The following LRMDA variants were observed in gnomAD, a reference collection of about 807,000 sequenced individuals.
The protein encoded by LRMDA is leucine rich melanocyte differentiation associated.
In LRMDA, 18 loss-of-function variants were observed where a neutral mutation model predicts 29.8. The observed-to-expected ratio is 0.60, with a 90% confidence interval of 0.42 to 0.90. The LOEUF (loss-of-function observed/expected upper bound fraction) is 0.90. Among genes scored for constraint, LRMDA ranks in the 40% least tolerant of loss-of-function variants. The pLI, the probability that LRMDA is intolerant of heterozygous loss-of-function variation, is 0.00. For synonymous variants in LRMDA, 125 were observed against 109.4 expected (o/e 1.14, Z -0.89); for missense variants, 273 against 273.9 (o/e 1.00, Z 0.02).
At chr10:75,959,312 G>A (rs150693549) in intron 2 of LRMDA, among the ~76,000 whole-genome samples, 1 of 152,230 alleles carries the variant, frequency 6.6e-6, no homozygotes, top group Non-Finnish European at 1.5e-5. Flanking sequence ...CCGGGTTTTG[G>A]GCAGCACCAC....
At chr10:76,430,290 A>G (rs1175592856) in intron 6 of LRMDA, among the ~76,000 whole-genome samples, 1 of 152,158 alleles carries the variant, frequency 6.6e-6, no homozygotes, top group East Asian at 1.9e-4. Context: ...CTCTTCCTAT[A>G]AATGCTGAGA....
intron 2 of LRMDA, among the ~76,000 whole-genome samples, chr10:75,977,958 G>A (rs776625984): frequency 6.6e-6 from 1 of 152,188 alleles, no homozygotes; most frequent in African/African-American, 2.4e-5. Context: ...GTTTGTTGGG[G>A]GAATTAAATG....
intron 2 of LRMDA, among the ~76,000 whole-genome samples, chr10:75,566,543 A>G (rs1840374244): frequency 6.6e-6 from 1 of 152,142 alleles, no homozygotes; most frequent in African/African-American, 2.4e-5. Flanking sequence ...TTCTAGGCAC[A>G]AACTCCAATG....
chr10:75,906,120 C>T lies in LRMDA; in HGVS notation c.132-129888C>T, dbSNP rs1366033351. On this transcript the variant is annotated intron_variant, in intron 2 of 6. Coordinates refer to ENST00000611255, the MANE Select transcript of LRMDA (RefSeq NM_001305581.2). ...CCCCTGCCTCTGTTTTCTCATCTTT[C>T]AAATGGTGATCATAGTATCTGTCCA... Among the ~76,000 whole-genome samples, 3 of 151,766 alleles carry T rather than the reference C, an allele frequency of 2.0e-5. No individual in the cohort carries two copies. In the East Asian group the frequency reaches 5.8e-4, roughly 29 times the overall value.
Position 75,514,199 on chromosome 10 carries a change from C to G in LRMDA, c.131+75705C>G, listed in dbSNP as rs1455850764. ...TTTTTTTCCTTTCTTCTTCTTGGTT[C>G]CCAAGAGAAGATTCTACCACTTTTC... On this transcript the variant is annotated intron_variant, in intron 2 of 6. Coordinates refer to ENST00000611255, the MANE Select transcript of LRMDA (RefSeq NM_001305581.2). 2.1e-5 allele frequency among the ~76,000 whole-genome samples: 3 copies of G among 146,048 alleles called. No homozygotes were observed. The East Asian group carries it at 6.0e-4, about 29-fold the overall frequency.
chr10:75,613,975 A>G (rs1841067492), intron 2 of LRMDA, among the ~76,000 whole-genome samples: 1 of 152,248 alleles, frequency 6.6e-6, no homozygotes, highest in Non-Finnish European at 1.5e-5. Context: ...TCATCCAAAC[A>G]GGGAACCATA....
intron 2 of LRMDA, among the ~76,000 whole-genome samples, chr10:75,626,561 T>A (rs574778292): frequency 2.0e-5 from 3 of 152,210 alleles, no homozygotes; most frequent in East Asian, 3.9e-4. Context: ...TTGGAGAGTG[T>A]TTAAGGAATA....
At chr10:76,444,577 T>C (rs1005209521) in intron 6 of LRMDA, among the ~76,000 whole-genome samples, 5 of 152,224 alleles carry the variant, frequency 3.3e-5, no homozygotes, top group Non-Finnish European at 4.4e-5. Flanking sequence ...TCTCTGGTAC[T>C]CCAAGTCCCA....
chr10:75,604,497 C>T (rs1180173631), intron 2 of LRMDA, among the ~76,000 whole-genome samples: 1 of 152,146 alleles, frequency 6.6e-6, no homozygotes, highest in Admixed American at 6.5e-5. Context: ...TAAGAGTTCC[C>T]GGCAACTGTT....
intron 2 of LRMDA, among the ~76,000 whole-genome samples, chr10:75,499,491 A>C (rs1031110311): frequency 6.6e-6 from 1 of 152,158 alleles, no homozygotes; most frequent in African/African-American, 2.4e-5. Flanking sequence ...AAAAATGGAG[A>C]TGATAATAGC....
At chr10:76,178,437 C>T (rs1850980897) in intron 5 of LRMDA, among the ~76,000 whole-genome samples, 1 of 152,192 alleles carries the variant, frequency 6.6e-6, no homozygotes, top group Non-Finnish European at 1.5e-5. Context: ...ATTAGCACTG[C>T]AGCATAAGTC....
intron 2 of LRMDA, among the ~76,000 whole-genome samples, chr10:75,769,082 T>C (rs1390590454): frequency 6.6e-6 from 1 of 151,784 alleles, no homozygotes; most frequent in Non-Finnish European, 1.5e-5. Flanking sequence ...TTCGAGAGAG[T>C]GTTTTGATTT....
In LRMDA at chr10:75,431,728, G is replaced by A; in HGVS notation, c.4G>A (p.Ala2Thr). 7.4e-7 allele frequency: 1 copy of A among 1,358,708 alleles called. No homozygotes were observed. Among genetic ancestry groups the A allele is most frequent in the South Asian group, 1.9e-5 (1 of 51,966 alleles). 84.2% of individuals were successfully genotyped at this position (1,358,708 alleles called of 1,614,324 possible). The stretch of plus-strand genomic sequence containing the variant: ...CGCCCGCAGCGTCCTGGCCGCCATG[G>A]CCGGGCTCGTGGTGCGTGGAACTCA... M[A>T]GLVVRGTQVS... Residue 2 changes from alanine (A) to threonine (T), a missense_variant, in exon 1 of 7, where the codon GCC becomes ACC. Physicochemically the swap from Ala to Thr is moderately conservative, Grantham distance 58 (BLOSUM62 0). Coordinates refer to ENST00000611255, the MANE Select transcript of LRMDA (RefSeq NM_001305581.2).
At chr10:76,523,250 G>A (rs1406346581) in intron 6 of LRMDA, among the ~76,000 whole-genome samples, 1 of 152,012 alleles carries the variant, frequency 6.6e-6, no homozygotes, top group Non-Finnish European at 1.5e-5. Context: ...CTGAGCTCAC[G>A]CAGACTCTTC....
chr10:75,493,215 C>A (rs1845006790), intron 2 of LRMDA, among the ~76,000 whole-genome samples: 1 of 152,038 alleles, frequency 6.6e-6, no homozygotes, highest in South Asian at 2.1e-4. Flanking sequence ...ACCTCGAGAT[C>A]CTAAAATATG....
intron 2 of LRMDA, among the ~76,000 whole-genome samples, chr10:75,497,593 C>T (rs902899922): frequency 1.1e-4 from 17 of 151,570 alleles, no homozygotes; most frequent in African/African-American, 4.1e-4. Flanking sequence ...TGTCTTATGT[C>T]CCTTCCTAGC....
At position 76,147,453 on chromosome 10, in the gene LRMDA, A is replaced by G. The variant is rs541296028; in HGVS notation, c.516+88670A>G. Among the ~76,000 whole-genome samples the G allele has an allele frequency of 1.1e-4, 16 of 152,172 alleles. No individual in the cohort carries two copies. The East Asian group carries it at 3.1e-3, about 29-fold the overall frequency. ...ATTCATTTCATCTTCCATCACTGAT[A>G]CCCTTTCTTCCAGTTGATGGCATCG... On this transcript the variant is annotated intron_variant, in intron 5 of 6. Coordinates refer to ENST00000611255, the MANE Select transcript of LRMDA (RefSeq NM_001305581.2).
chr10:75,464,802 A>G (rs1371996616), intron 2 of LRMDA, among the ~76,000 whole-genome samples: 1 of 152,248 alleles, frequency 6.6e-6, no homozygotes. Flanking sequence ...AAGGAAGGGC[A>G]AAATATGTGC....
chr10:75,565,465 G>A (rs904882940), intron 2 of LRMDA, among the ~76,000 whole-genome samples: 7 of 152,186 alleles, frequency 4.6e-5, no homozygotes, highest in East Asian at 1.9e-4. Context: ...TGGTTAATCC[G>A]TTGCTTAACT....
Sources: allele counts gnomAD v4.1 joint callset (sites outside exome capture counted in the v4.1 genomes callset), GRCh38; gene constraint gnomAD v4.1.1; transcripts MANE v1.5; gene names NCBI Gene and HGNC (gene_info 2026-07-23, HGNC 2026-07-21).